Variants in FYB1 observed in about 807,000 individuals in gnomAD.
FYB1 encodes FYN-binding protein 1.
FYB1 carries 41 observed loss-of-function variants against 94.1 expected under a neutral mutation model. That is an observed-to-expected ratio of 0.44 (90% confidence interval 0.34 to 0.57). The LOEUF (loss-of-function observed/expected upper bound fraction) is 0.57, where lower values mean the gene tolerates loss of function less well. Among genes scored for constraint, FYB1 ranks in the 20% least tolerant of loss-of-function variants. FYB1 has a pLI of 0.02. For synonymous variants in FYB1, 367 were observed against 353.2 expected, an observed-to-expected ratio of 1.04 and a Z score of -0.44; for missense variants, 1,050 against 976.8, an observed-to-expected ratio of 1.07 and a Z score of -1.00.
intron 2 of FYB1, among the ~76,000 whole-genome samples, chr5:39,178,846 C>T (rs185715705): frequency 1.4e-4 from 22 of 152,192 alleles, no homozygotes; most frequent in Admixed American, 3.9e-4. Flanking sequence ...TGATAGGTAC[C>T]GGATAATTTT....
chr5:39,166,789 C>G (rs1285683108), intron 2 of FYB1, among the ~76,000 whole-genome samples: 1 of 151,590 alleles, frequency 6.6e-6, no homozygotes, highest in Non-Finnish European at 1.5e-5. Flanking sequence ...ATAATAGACC[C>G]TGGAGACTGG....
In FYB1 at chr5:39,127,436, G is replaced by A. The variant is rs143687425; in HGVS notation, c.1907+305C>T. ...AGTGCACTCCAGCCTGGGCGACAGA[G>A]TGAGACTCTGTCTCAAAAAAAAAAA... On this transcript the variant is annotated intron_variant, in intron 11 of 18. Coordinates refer to ENST00000512982, the MANE Select transcript of FYB1 (RefSeq NM_001465.6). Among the ~76,000 whole-genome samples the A allele has an allele frequency of 2.4e-3, 323 of 134,020 alleles. 2 individuals are homozygous for A. Among genetic ancestry groups the A allele is most frequent in the African/African-American group, 9.1e-3 (310 of 34,198 alleles). The allele number at this position is 134,020 out of a possible 152,430, so 87.9% of individuals were successfully genotyped here. A position where few individuals can be genotyped will look rare whatever the true frequency, so the allele number is the denominator to read the frequency against.
intron 2 of FYB1, among the ~76,000 whole-genome samples, chr5:39,180,776 T>C (rs930674688): frequency 2.0e-5 from 3 of 152,202 alleles, no homozygotes; most frequent in African/African-American, 7.2e-5. Flanking sequence ...ACTTTCTACT[T>C]CTCCAGCTTC....
At chr5:39,175,327 G>A (rs115477990) in intron 2 of FYB1, among the ~76,000 whole-genome samples, 1,813 of 152,304 alleles carry the variant, frequency 0.012, 42 homozygotes, top group African/African-American at 0.043. Flanking sequence ...GACAGGGTTT[G>A]GAGAAGACTC....
At chr5:39,119,189 A>G (rs959471662) in intron 15 of FYB1, among the ~76,000 whole-genome samples, 153 bp from the exon 16 acceptor site, 2 of 152,136 alleles carry the variant, frequency 1.3e-5, no homozygotes, top group African/African-American at 4.8e-5. Context: ...ATGTTGAGGG[A>G]CAAACATCAT....
At chr5:39,204,578 G>A (rs962234293) in intron 1 of FYB1, among the ~76,000 whole-genome samples, 1 of 152,182 alleles carries the variant, frequency 6.6e-6, no homozygotes, top group Non-Finnish European at 1.5e-5. Context: ...GCAAACTCAG[G>A]TGTATCTGGG....
intron 1 of FYB1, among the ~76,000 whole-genome samples, chr5:39,260,583 A>G (rs1561315323): frequency 6.6e-6 from 1 of 152,218 alleles, no homozygotes; most frequent in East Asian, 1.9e-4. Context: ...AGGAATGACA[A>G]TTAGATTTGA....
At chr5:39,111,999 TTTTAAA>T (rs1412916147) in intron 16 of FYB1, among the ~76,000 whole-genome samples, 1 of 151,986 alleles carries the variant, frequency 6.6e-6, no homozygotes, top group Non-Finnish European at 1.5e-5. Flanking sequence ...CAGACTTTCT[TTTTAAA>T]TAAGGTATAC....
At chr5:39,262,933 T>C (rs1326901860) in intron 1 of FYB1, among the ~76,000 whole-genome samples, 1 of 152,102 alleles carries the variant, frequency 6.6e-6, no homozygotes, top group East Asian at 1.9e-4. Context: ...ACTTTAAAAA[T>C]AGTTGTTTCT....
chr5:39,263,730 T>A (rs1388365476), intron 1 of FYB1, among the ~76,000 whole-genome samples: 2 of 152,192 alleles, frequency 1.3e-5, no homozygotes, highest in Admixed American at 1.3e-4. Context: ...ATTCTGTACT[T>A]ACTTTCTAAC....
At chr5:39,109,184 A>G (rs1380146706) in intron 17 of FYB1, among the ~76,000 whole-genome samples, 2 of 152,002 alleles carry the variant, frequency 1.3e-5, no homozygotes, top group African/African-American at 4.8e-5. Flanking sequence ...ACTGCTGCCA[A>G]CTATGGCAGA....
chr5:39,174,760 G>A (rs1745561860), intron 2 of FYB1, among the ~76,000 whole-genome samples: 2 of 152,090 alleles, frequency 1.3e-5, no homozygotes, highest in Admixed American at 6.5e-5. Flanking sequence ...ACCTTAAAAA[G>A]ATAAAACATA....
chr5:39,270,597 T>A lies in FYB1; in HGVS notation c.-28+3806A>T, dbSNP rs141223020. ...TTTTATTGAAAAGAGTTGATATGCCTGGCACACAATGACCCCGAAGATGGT... is the reference window on the plus strand; with the variant it reads ...TTTTATTGAAAAGAGTTGATATGCCAGGCACACAATGACCCCGAAGATGGT... On this transcript the variant is annotated intron_variant, in intron 1 of 1. Transcript: ENST00000510188. The A allele has an allele frequency of 1.0e-4, 156 of 1,534,700 alleles. No homozygotes were observed. The African/African-American group carries it at 1.7e-3, about 16-fold the overall frequency.
At chr5:39,119,664 A>C in intron 14 of FYB1, 30 bp from the exon 15 acceptor site, 1 of 1,449,384 alleles carries the variant, frequency 6.9e-7, no homozygotes, top group Non-Finnish European at 9.1e-7. Context: ...ATAAAACAAC[A>C]CTTTGTTTAG....
rs142776200 is a variant in FYB1 at position 39,207,326 on chromosome 5, A to G, written c.-27-4339T>C. 9.5e-4 allele frequency among the ~76,000 whole-genome samples: 144 copies of G among 152,298 alleles called. 1 individual carries two copies. The East Asian group carries it at 0.025, about 27-fold the overall frequency. On this transcript the variant is annotated intron_variant, in intron 1 of 18. Transcript: ENST00000512982. ...TTAATAGTAGAAAATCTCTTCATAG[A>G]AATTAATTTCCTTTAGCCCCCATAT...
chr5:39,227,390 G>A (rs776980568), intron 1 of FYB1, among the ~76,000 whole-genome samples: 7 of 152,122 alleles, frequency 4.6e-5, no homozygotes, highest in Non-Finnish European at 8.8e-5. Flanking sequence ...GAGAATGTTC[G>A]TATTCTTAGG....
At chr5:39,173,155 G>A (rs1361553622) in intron 2 of FYB1, among the ~76,000 whole-genome samples, 1 of 152,124 alleles carries the variant, frequency 6.6e-6, no homozygotes, top group Non-Finnish European at 1.5e-5. Flanking sequence ...TGATTGGTGT[G>A]AGATCGTTTC....
intron 2 of FYB1, among the ~76,000 whole-genome samples, chr5:39,189,817 G>A (rs1039931056): frequency 6.6e-6 from 1 of 152,198 alleles, no homozygotes; most frequent in East Asian, 1.9e-4. Context: ...GCACACACAT[G>A]CCTTTGATAA....
intron 16 of FYB1, among the ~76,000 whole-genome samples, chr5:39,113,444 T>A (rs1739251052): frequency 6.6e-6 from 1 of 152,014 alleles, no homozygotes; most frequent in South Asian, 2.1e-4. Context: ...TTGAAACAAA[T>A]GTTTTGAAAT....
Sources: allele counts gnomAD v4.1 joint callset (sites outside exome capture counted in the v4.1 genomes callset), GRCh38; gene constraint gnomAD v4.1.1; transcripts MANE v1.5; gene names NCBI Gene and HGNC (gene_info 2026-07-23, HGNC 2026-07-21).